Variants in CA4 observed in about 807,000 individuals in gnomAD.
CA4 encodes the protein CA-IV.
CA4 carries 24 observed loss-of-function variants against 34.5 expected under a neutral mutation model. The ratio of observed to expected loss-of-function variants is 0.70; its 90% CI spans 0.50 to 0.98. The LOEUF (loss-of-function observed/expected upper bound fraction) is 0.98. Ranked by LOEUF, CA4 falls within the 50% of genes least tolerant of loss-of-function variation. The pLI is 0.00. For synonymous variants in CA4, 178 were observed against 170.6 expected, an observed-to-expected ratio of 1.04 and a Z score of -0.34; for missense variants, 394 against 396.7, an observed-to-expected ratio of 0.99 and a Z score of 0.06.
At chr17:60,172,567 C>T (rs980245556), downstream of CA4, among the ~76,000 whole-genome samples, 4 of 152,240 alleles carry the variant, frequency 2.6e-5, no homozygotes, top group Middle Eastern at 6.8e-3. Context: ...ACATATGTGC[C>T]GTGTGGTGGC....
chr17:60,153,524 TC>T (rs1250583328), intron 1 of CA4, among the ~76,000 whole-genome samples: 1 of 152,198 alleles, frequency 6.6e-6, no homozygotes, highest in Non-Finnish European at 1.5e-5. Flanking sequence ...CACTGTACTT[TC>T]TTAATAAACG....
intron 3 of CA4, among the ~76,000 whole-genome samples, chr17:60,157,217 G>A (rs1297225749): frequency 6.6e-6 from 1 of 152,250 alleles, no homozygotes; most frequent in Non-Finnish European, 1.5e-5. Context: ...AGGAGAGGGG[G>A]AGGCAGGCAG....
downstream of CA4, among the ~76,000 whole-genome samples, chr17:60,162,658 C>A (rs1312119187): frequency 6.6e-6 from 1 of 152,110 alleles, no homozygotes; most frequent in African/African-American, 2.4e-5. Flanking sequence ...TTTGCCTGCA[C>A]CCTGACTTCT....
At chr17:60,164,725 G>A (rs900575079) in intron 5 of CA4, among the ~76,000 whole-genome samples, 9 of 152,158 alleles carry the variant, frequency 5.9e-5, no homozygotes, top group Middle Eastern at 3.4e-3. Flanking sequence ...TTTCCTCTGT[G>A]CCAGGGACAG....
intron 7 of CA4, chr17:60,158,809 C>A: frequency 2.4e-6 from 1 of 416,910 alleles, no homozygotes; most frequent in Non-Finnish European, 4.4e-6. Flanking sequence ...CCAGTGGAGT[C>A]AACATCATCA....
downstream of CA4, among the ~76,000 whole-genome samples, chr17:60,171,065 G>A (rs146883526): frequency 3.3e-5 from 5 of 152,350 alleles, 1 homozygote; most frequent in East Asian, 7.7e-4. Flanking sequence ...GAGCTGTGGT[G>A]AGCATTTACG....
chr17:60,159,369 T>TGCCTGCCCTGCTGGGCCCC lies in CA4; in HGVS notation c.885_903dup (p.Met302AlafsTer51). The TGCCTGCCCTGCTGGGCCCC allele has an allele frequency of 6.2e-7, 1 of 1,612,122 alleles. No individual in the cohort carries two copies. Among genetic ancestry groups the TGCCTGCCCTGCTGGGCCCC allele is most frequent in the Non-Finnish European group, 8.5e-7 (1 of 1,179,510 alleles). On this transcript the variant is annotated frameshift_variant, in exon 8 of 8. Coordinates refer to ENST00000300900, the MANE Select transcript of CA4 (RefSeq NM_000717.5). LOFTEE classifies it high-confidence loss of function. ...CCGGGTCGGCCGCTGCCCTGGGCCC[T>TGCCTGCCCTGCTGGGCCCC]GCCTGCCCTGCTGGGCCCCATGCTG...
the CA4 span, among the ~76,000 whole-genome samples, chr17:60,175,974 G>A: frequency 2.6e-5 from 4 of 151,746 alleles, no homozygotes; most frequent in Non-Finnish European, 4.4e-5. Flanking sequence ...GTACCACCAC[G>A]CCCGGCTAAT....
chr17:60,160,625 A>T (rs540046426), downstream of CA4, among the ~76,000 whole-genome samples: 1 of 152,056 alleles, frequency 6.6e-6, no homozygotes, highest in Non-Finnish European at 1.5e-5. Flanking sequence ...TTAGCTGGGC[A>T]TGGTGGCGGG....
intron 3 of CA4, 127 bp from the exon 4 acceptor site, chr17:60,157,300 G>A: frequency 9.1e-7 from 1 of 1,101,416 alleles, no homozygotes; most frequent in Non-Finnish European, 1.4e-6. Context: ...ACCCCTGCAG[G>A]CCAGAACCAG....
Position 60,158,356 on chromosome 17 carries a change from C to G in CA4, c.654C>G (p.Phe218Leu). ...AGGAGGAGAAACTGAGGCACTACTTCCGCTACCTGGGCTCACTCACCACAC... is the reference window on the plus strand; with the variant it reads ...AGGAGGAGAAACTGAGGCACTACTTGCGCTACCTGGGCTCACTCACCACAC... ...LPKEEKLRHY[F>L]RYLGSLTTPT... The change falls in exon 7 of 8, where the codon TTC becomes TTG. Residue 218 changes from phenylalanine (F) to leucine (L), a missense_variant. Physicochemically the swap from Phe to Leu is conservative, Grantham distance 22. Transcript: ENST00000300900. 1.2e-6 allele frequency: 2 copies of G among 1,614,188 alleles called. No homozygotes were observed. Among genetic ancestry groups the G allele is most frequent in the South Asian group, 1.1e-5 (1 of 91,090 alleles).
intron 2 of CA4, 72 bp downstream of exon 2, chr17:60,155,439 G>A (rs372900209): frequency 1.1e-4 from 130 of 1,217,496 alleles, no homozygotes; most frequent in Non-Finnish European, 1.4e-4. Flanking sequence ...TGGAGACCCC[G>A]GAAGAGTGGG....
Position 60,159,250 on chromosome 17 carries a change from G to C in CA4, c.765G>C (p.Lys255Asn). The C allele has an allele frequency of 6.2e-7, 1 of 1,605,680 alleles. No individual in the cohort carries two copies. The highest frequency in any genetic ancestry group is 1.3e-5 in the African/African-American group (1 of 74,780). The change falls in exon 8 of 8, where the codon AAG (lysine) becomes AAC (asparagine). Residue 255 changes from lysine to asparagine, a missense_variant. Physicochemically the swap from Lys to Asn is moderately conservative, Grantham distance 94 (BLOSUM62 0). Transcript: ENST00000300900. ...CGCAGATCCTGGCATTCTCTCAGAA[G>C]CTGTACTACGACAAGGAACAGACAG... ...HREQILAFSQKLYYDKEQTVS... is the reference protein window; with the variant it reads ...HREQILAFSQNLYYDKEQTVS...
At chr17:60,158,217 A>C (rs2083729124) in intron 6 of CA4, 66 bp from the exon 7 acceptor site, 2 of 1,606,766 alleles carry the variant, frequency 1.2e-6, no homozygotes, top group African/African-American at 2.7e-5. Flanking sequence ...CTGGGCTCTC[A>C]GAGTGCAGGG....
intron 1 of CA4, 66 bp downstream of exon 1, chr17:60,150,158 C>A: frequency 7.5e-7 from 1 of 1,339,116 alleles, no homozygotes; most frequent in Non-Finnish European, 1.0e-6. Flanking sequence ...AGCTCCCGCC[C>A]CTGCAGAGGA....
chr17:60,153,449 G>A (rs2083625080), intron 1 of CA4, among the ~76,000 whole-genome samples: 2 of 152,194 alleles, frequency 1.3e-5, no homozygotes, highest in Non-Finnish European at 2.9e-5. Context: ...CGCATTGAAT[G>A]CATTCCTTCC....
rs192029513 is a variant in CA4 at position 60,158,188 on chromosome 17, G to A, written c.580+61G>A. On this transcript the variant is annotated intron_variant, in intron 6 of 7. Coordinates refer to ENST00000300900, the MANE Select transcript of CA4 (RefSeq NM_000717.5). ...GGGGGGGATTCCTCCCACAAAGGAA[G>A]GGGTGGGTGTGCGGGGAGCTGGGCT... The A allele has an allele frequency of 8.3e-5, 134 of 1,606,894 alleles. No individual in the cohort carries two copies. In the African/African-American group the frequency reaches 1.4e-3, roughly 17 times the overall value.
At chr17:60,157,380 G>A (rs926895724) in intron 3 of CA4, 47 bp from the exon 4 acceptor site, 2 of 1,611,016 alleles carry the variant, frequency 1.2e-6, no homozygotes, top group Admixed American at 1.7e-5. Context: ...AGCTAGAGGA[G>A]GCTGAGGGAG....
chr17:60,156,056 T>C (rs2083678005), intron 2 of CA4, among the ~76,000 whole-genome samples: 1 of 152,042 alleles, frequency 6.6e-6, no homozygotes, highest in South Asian at 2.1e-4. Flanking sequence ...TCCTCCAGGG[T>C]TACTCCTCTC....
Sources: gnomAD v4.1 joint callset for allele counts (sites outside exome capture counted in the v4.1 genomes callset) on GRCh38, gnomAD v4.1.1 for gene constraint, MANE v1.5 for transcripts, NCBI Gene and HGNC (gene_info 2026-07-23, HGNC 2026-07-21) for gene names.